ZEB1: variants seen among roughly 807,000 people sequenced by gnomAD.
ZEB1 encodes zinc finger E-box-binding homeobox 1.
ZEB1 carries 21 observed loss-of-function variants against 84.9 expected under a neutral mutation model. That is an observed-to-expected ratio of 0.25 (90% CI 0.18 to 0.36). The LOEUF (loss-of-function observed/expected upper bound fraction) is 0.36. ZEB1 is among the 10% of genes least tolerant of loss of function. The probability of loss-of-function intolerance (pLI) is 1.00; values close to 1 mark genes in which losing one functional copy is unlikely to be tolerated. For synonymous variants in ZEB1, 420 were observed against 471.1 expected, an observed-to-expected ratio of 0.89 and a Z score of 1.41; for missense variants, 1,104 against 1,330.2, an observed-to-expected ratio of 0.83 and a Z score of 2.65.
chr10:31,335,274 T>C (rs2037767649), intron 1 of ZEB1, among the ~76,000 whole-genome samples: 1 of 152,134 alleles, frequency 6.6e-6, no homozygotes, highest in Non-Finnish European at 1.5e-5. Context: ...GCCCATTAGT[T>C]ACCATTGGTA....
intron 2 of ZEB1, among the ~76,000 whole-genome samples, chr10:31,482,484 AAAG>A (rs944404563): frequency 3.9e-5 from 6 of 152,016 alleles, no homozygotes; most frequent in Non-Finnish European, 7.4e-5. Flanking sequence ...AAAAAAAAAA[AAAG>A]GATTATTAGT....
Position 31,522,021 on chromosome 10 carries a change from C to T in ZEB1, c.2604+85C>T. 1.9e-6 allele frequency: 3 copies of T among 1,572,542 alleles called. No homozygotes were observed. The South Asian group carries it at 3.4e-5, about 18-fold the overall frequency. On this transcript the variant is annotated intron_variant, in intron 7 of 8. Transcript: ENST00000424869. ...TAACTTTGTCTAATAAATATCAGTC[C>T]CGTAGAGCCAACTAGATTATTACAA...
chr10:31,327,956 T>C (rs2035948321), intron 1 of ZEB1, among the ~76,000 whole-genome samples: 1 of 152,206 alleles, frequency 6.6e-6, no homozygotes, highest in Non-Finnish European at 1.5e-5. Context: ...TCCCTTTCCA[T>C]ATCTGGCCTA....
At chr10:31,460,003 A>G (rs983458464) in intron 1 of ZEB1, among the ~76,000 whole-genome samples, 4 of 151,980 alleles carry the variant, frequency 2.6e-5, no homozygotes, top group African/African-American at 4.8e-5. Flanking sequence ...TTATCTAAAT[A>G]AAGTGAAGCT....
intron 1 of ZEB1, among the ~76,000 whole-genome samples, chr10:31,430,776 G>A (rs1238521320): frequency 6.6e-6 from 1 of 152,082 alleles, no homozygotes. Context: ...TTTAGCTACA[G>A]AAACAAAATT....
At chr10:31,445,290 G>A (rs200324746) in intron 1 of ZEB1, among the ~76,000 whole-genome samples, 6,898 of 148,484 alleles carry the variant, frequency 0.046, 441 homozygotes, top group East Asian at 0.17. Context: ...TGCTGAAGTT[G>A]CTTATCAGCT....
intron 1 of ZEB1, chr10:31,373,000 A>G (rs1367594427): frequency 2.0e-6 from 2 of 985,172 alleles, no homozygotes; most frequent in Non-Finnish European, 2.4e-6. Flanking sequence ...ACAACTTAAT[A>G]AAGTTTGGGT....
At chr10:31,436,953 A>G (rs974803495) in intron 1 of ZEB1, among the ~76,000 whole-genome samples, 28 of 152,164 alleles carry the variant, frequency 1.8e-4, no homozygotes, top group African/African-American at 6.5e-4. Context: ...TTTATTGGAT[A>G]TTATTTATTT....
intron 5 of ZEB1, among the ~76,000 whole-genome samples, chr10:31,511,229 A>G (rs2069939044): frequency 6.6e-6 from 1 of 152,234 alleles, no homozygotes; most frequent in Non-Finnish European, 1.5e-5. Flanking sequence ...AGTACTGACT[A>G]TATAAACCAC....
At chr10:31,404,557 T>C (rs2052621444) in intron 1 of ZEB1, among the ~76,000 whole-genome samples, 1 of 152,188 alleles carries the variant, frequency 6.6e-6, no homozygotes, top group South Asian at 2.1e-4. Context: ...ACTACTTATT[T>C]TGACATAGTA....
intron 1 of ZEB1, among the ~76,000 whole-genome samples, chr10:31,413,719 T>A (rs1405511001): frequency 6.6e-6 from 1 of 152,186 alleles, no homozygotes; most frequent in African/African-American, 2.4e-5. Context: ...TAAATAGGGC[T>A]ACTCATAAAA....
At chr10:31,357,899 A>G (rs1279580888) in intron 1 of ZEB1, among the ~76,000 whole-genome samples, 1 of 152,064 alleles carries the variant, frequency 6.6e-6, no homozygotes. Flanking sequence ...TAGTTGCCAA[A>G]TGGCTGCTGG....
At chr10:31,519,363 G>T (rs1444012800) in intron 6 of ZEB1, among the ~76,000 whole-genome samples, 1 of 152,122 alleles carries the variant, frequency 6.6e-6, no homozygotes, top group East Asian at 1.9e-4. Flanking sequence ...AGAGTCTAGG[G>T]AAGCAGCTTG....
At position 31,477,155 on chromosome 10, in the gene ZEB1, G is replaced by A. The variant is rs116274752; in HGVS notation, c.259+15918G>A. Among the ~76,000 whole-genome samples the A allele has an allele frequency of 1.9e-3, 289 of 152,034 alleles. 2 individuals carry two copies. Among genetic ancestry groups the A allele is most frequent in the African/African-American group, 6.8e-3 (283 of 41,512 alleles). On this transcript the variant is annotated intron_variant, in intron 2 of 8. Transcript: ENST00000424869. ...CACTGATGACATGCCCCCATACCTA[G>A]AAAATCCTAAAGACTCCTAGACTTG...
chr10:31,465,651 G>T (rs1455311710), intron 2 of ZEB1, among the ~76,000 whole-genome samples: 2 of 152,028 alleles, frequency 1.3e-5, no homozygotes, highest in African/African-American at 4.8e-5. Context: ...GCCTTGCTGT[G>T]TCACCAGGGT....
At chr10:31,511,784 T>G (rs1419313167) in intron 5 of ZEB1, among the ~76,000 whole-genome samples, 2 of 152,106 alleles carry the variant, frequency 1.3e-5, no homozygotes, top group Non-Finnish European at 2.9e-5. Context: ...GAGAACAAGT[T>G]AGACCATTTG....
At chr10:31,411,557 G>A (rs959570858) in intron 1 of ZEB1, among the ~76,000 whole-genome samples, 4 of 151,438 alleles carry the variant, frequency 2.6e-5, no homozygotes, top group African/African-American at 7.3e-5. Context: ...GCGTGAACCT[G>A]GGAAGCGGAG....
intron 2 of ZEB1, among the ~76,000 whole-genome samples, chr10:31,494,474 G>A (rs2066957864): frequency 6.6e-6 from 1 of 151,858 alleles, no homozygotes; most frequent in African/African-American, 2.4e-5. Context: ...GATAATCCAA[G>A]GCACTTAAAA....
At chr10:31,474,166 T>C (rs1269933443) in intron 2 of ZEB1, among the ~76,000 whole-genome samples, 1 of 152,154 alleles carries the variant, frequency 6.6e-6, no homozygotes, top group Admixed American at 6.5e-5. Flanking sequence ...ACTTCATGTC[T>C]AAAACACCAA....
Sources: allele counts gnomAD v4.1 joint callset (sites outside exome capture counted in the v4.1 genomes callset), GRCh38; gene constraint gnomAD v4.1.1; transcripts MANE v1.5; gene names NCBI Gene and HGNC (gene_info 2026-07-23, HGNC 2026-07-21).